Variants in CNTLN observed in about 807,000 individuals in gnomAD.
CNTLN encodes centlein.
In CNTLN, 212 loss-of-function variants were observed where a neutral mutation model predicts 180.0. The observed-to-expected ratio is 1.18, with a 90% CI of 1.05 to 1.32. CNTLN has a LOEUF of 1.32. CNTLN is among the 40% of genes most tolerant of loss of function. CNTLN has a pLI of 0.00. For missense variants in CNTLN, 2,095 were observed against 1,610.9 expected (o/e 1.30, Z -5.14); for synonymous variants, 722 against 563.1 (o/e 1.28, Z -3.99).
chr9:17,305,431 T>C (rs963644573), intron 7 of CNTLN, among the ~76,000 whole-genome samples: 1 of 152,062 alleles, frequency 6.6e-6, no homozygotes, highest in African/African-American at 2.4e-5. Context: ...AGGAATCTTA[T>C]TGCTAATAGG....
At chr9:17,229,059 T>G (rs998093629) in intron 3 of CNTLN, among the ~76,000 whole-genome samples, 1 of 152,058 alleles carries the variant, frequency 6.6e-6, no homozygotes, top group Non-Finnish European at 1.5e-5. Context: ...GGGAAGACTT[T>G]AAGCAGTGAG....
chr9:17,501,079 G>C (rs16935737), intron 25 of CNTLN, among the ~76,000 whole-genome samples: 6,430 of 152,234 alleles, frequency 0.042, 466 homozygotes, highest in African/African-American at 0.15. Flanking sequence ...TGTGCAATAT[G>C]AGTGTGTTTG....
chr9:17,309,626 T>C (rs1818985793), intron 8 of CNTLN, among the ~76,000 whole-genome samples: 1 of 151,802 alleles, frequency 6.6e-6, no homozygotes, highest in Non-Finnish European at 1.5e-5. Context: ...TAATGCCTGG[T>C]ATTCGGTACT....
chr9:17,528,157 C>A, the CNTLN span, among the ~76,000 whole-genome samples: 1 of 152,078 alleles, frequency 6.6e-6, no homozygotes, highest in Non-Finnish European at 1.5e-5. Context: ...CCCCCTACTC[C>A]TTATGTGTGG....
chr9:17,265,945 C>G (rs1244647712), intron 5 of CNTLN, among the ~76,000 whole-genome samples: 3 of 151,204 alleles, frequency 2.0e-5, no homozygotes, highest in Non-Finnish European at 4.4e-5. Flanking sequence ...CTTTATTATT[C>G]TTGCTAGCGG....
intron 2 of CNTLN, among the ~76,000 whole-genome samples, chr9:17,220,243 C>G (rs1028205628): frequency 2.0e-5 from 3 of 151,968 alleles, no homozygotes; most frequent in Non-Finnish European, 4.4e-5. Context: ...AGCCTAGTAT[C>G]AAGCTCATTT....
rs200483700 is a variant in CNTLN at position 17,425,735 on chromosome 9, TA to T, written c.3114+9547del. 3.7e-3 allele frequency among the ~76,000 whole-genome samples: 560 copies of T among 152,208 alleles called. 5 individuals are homozygous for T. Among genetic ancestry groups the T allele is most frequent in the African/African-American group, 0.012 (479 of 41,538 alleles). Reference sequence around the variant, plus strand: ...AGGAAAAGCAATCCTTATGATAAAATATTTTTTTTAAAAAAACCTTGGATTG... The same window carrying T: ...AGGAAAAGCAATCCTTATGATAAAATTTTTTTTTAAAAAAACCTTGGATTG... On this transcript the variant is annotated intron_variant, in intron 18 of 25. Transcript: ENST00000380647.
chr9:17,267,719 T>G (rs1390503622), intron 5 of CNTLN, among the ~76,000 whole-genome samples: 1 of 152,212 alleles, frequency 6.6e-6, no homozygotes, highest in Non-Finnish European at 1.5e-5. Flanking sequence ...CCCATATTTC[T>G]TGGAGGCTTT....
intron 2 of CNTLN, among the ~76,000 whole-genome samples, chr9:17,158,267 T>G (rs1179696927): frequency 2.0e-5 from 3 of 152,156 alleles, no homozygotes; most frequent in Non-Finnish European, 4.4e-5. Context: ...GGTATATAAT[T>G]TTTTTATATG....
intron 8 of CNTLN, among the ~76,000 whole-genome samples, chr9:17,317,163 G>C (rs1222092329): frequency 2.6e-5 from 4 of 152,002 alleles, no homozygotes; most frequent in Non-Finnish European, 5.9e-5. Context: ...CATATGTGGA[G>C]TTTGAAAATC....
chr9:17,481,416 C>G lies in CNTLN; in HGVS notation c.3856-2879C>G, dbSNP rs1240881674. On this transcript the variant is annotated intron_variant, in intron 23 of 25. Transcript: ENST00000380647. ...CTGGTCAAGGAACCCAGCCTGTAGC[C>G]CCACTTAATCATGGAACCCAGCTTG... is the stretch of plus-strand genomic sequence containing the variant. Among the ~76,000 whole-genome samples, 2 of 152,178 alleles carry G rather than the reference C, an allele frequency of 1.3e-5. 1 individual carries two copies. Among genetic ancestry groups the G allele is most frequent in the Non-Finnish European group, 2.9e-5 (2 of 68,036 alleles).
chr9:17,220,478 C>A (rs1312629902), intron 2 of CNTLN, among the ~76,000 whole-genome samples: 2 of 151,920 alleles, frequency 1.3e-5, no homozygotes, highest in African/African-American at 4.8e-5. Context: ...TTTAGGTAAA[C>A]TTTAAAGGTA....
intron 6 of CNTLN, among the ~76,000 whole-genome samples, chr9:17,285,023 C>G (rs1828895145): frequency 6.7e-6 from 1 of 148,654 alleles, no homozygotes; most frequent in Non-Finnish European, 1.5e-5. Context: ...TTTAATTATA[C>G]TTTAAGTTTT....
At chr9:17,307,579 T>TA (rs1818808501) in intron 7 of CNTLN, among the ~76,000 whole-genome samples, 1 of 151,790 alleles carries the variant, frequency 6.6e-6, no homozygotes, top group South Asian at 2.1e-4. Flanking sequence ...AGAGATACAT[T>TA]TTTTTTTAAA....
chr9:17,154,790 T>C (rs2131541914), intron 2 of CNTLN, among the ~76,000 whole-genome samples: 1 of 152,296 alleles, frequency 6.6e-6, no homozygotes, highest in South Asian at 2.1e-4. Context: ...TAAAATGGAC[T>C]AATTATCAGG....
chr9:17,154,205 G>C (rs1321897039), intron 2 of CNTLN, among the ~76,000 whole-genome samples: 1 of 152,172 alleles, frequency 6.6e-6, no homozygotes, highest in Admixed American at 6.5e-5. Flanking sequence ...TTGCTGGCGA[G>C]GAGTTGTCAT....
chr9:17,466,907 C>T lies in CNTLN; in HGVS notation c.3855+16C>T, dbSNP rs931927706. On this transcript the variant is annotated intron_variant, in intron 23 of 25. Transcript: ENST00000380647. ...ATTTGTGAAGGTTTGAATTACTTGTCGTTTACTAACTTGTACTTTACTTTA... is the reference window on the plus strand; with the variant it reads ...ATTTGTGAAGGTTTGAATTACTTGTTGTTTACTAACTTGTACTTTACTTTA... 4 of 1,594,576 alleles carry T rather than the reference C, an allele frequency of 2.5e-6. No homozygotes were observed. The highest frequency in any genetic ancestry group is 1.1e-5 in the South Asian group (1 of 89,562).
intron 2 of CNTLN, among the ~76,000 whole-genome samples, chr9:17,210,902 G>C (rs941897169): frequency 3.3e-5 from 5 of 152,028 alleles, no homozygotes; most frequent in Non-Finnish European, 5.9e-5. Flanking sequence ...TGATGGGGTT[G>C]TTTGTTTTTT....
chr9:17,248,297 GT>G (rs1205126424), intron 5 of CNTLN, among the ~76,000 whole-genome samples: 1 of 151,976 alleles, frequency 6.6e-6, no homozygotes, highest in African/African-American at 2.4e-5. Flanking sequence ...TGTTATAACA[GT>G]TTTAGAGGGT....
Sources: gnomAD v4.1 joint callset for allele counts (sites outside exome capture counted in the v4.1 genomes callset) on GRCh38, gnomAD v4.1.1 for gene constraint, MANE v1.5 for transcripts, NCBI Gene and HGNC (gene_info 2026-07-23, HGNC 2026-07-21) for gene names.